CNOT6: variants seen among roughly 807,000 people sequenced by gnomAD.
The protein encoded by CNOT6 is carbon catabolite repression 4 protein.
Under a neutral mutation model 61.2 loss-of-function variants are expected in CNOT6, and 12 were observed. The ratio of observed to expected loss-of-function variants is 0.20; its 90% CI spans 0.13 to 0.32. The LOEUF (loss-of-function observed/expected upper bound fraction) is 0.32. Ranked by LOEUF, CNOT6 falls within the 10% of genes least tolerant of loss-of-function variation. CNOT6 has a pLI of 1.00. For missense variants in CNOT6, 405 were observed against 663.9 expected, an observed-to-expected ratio of 0.61 and a Z score of 4.28; for synonymous variants, 225 against 240.6, an observed-to-expected ratio of 0.94 and a Z score of 0.60.
At chr5:180,559,306 C>G (rs747182778) in intron 4 of CNOT6, among the ~76,000 whole-genome samples, 15 of 152,318 alleles carry the variant, frequency 9.8e-5, no homozygotes, top group Middle Eastern at 6.8e-3. Context: ...TGGAAGCACA[C>G]TTAGAATTGC....
chr5:180,518,294 C>T (rs983720742), intron 1 of CNOT6, among the ~76,000 whole-genome samples: 6 of 152,100 alleles, frequency 3.9e-5, no homozygotes, highest in Non-Finnish European at 7.3e-5. Context: ...GAAAGATGTC[C>T]CAGGCTCATT....
At chr5:180,496,978 A>G (rs1756638509) in intron 1 of CNOT6, among the ~76,000 whole-genome samples, 1 of 152,330 alleles carries the variant, frequency 6.6e-6, no homozygotes, top group South Asian at 2.1e-4. Flanking sequence ...CTTGGTCCTA[A>G]CTACAAATGT....
chr5:180,545,083 G>A (rs1237448724), intron 2 of CNOT6, among the ~76,000 whole-genome samples: 1 of 152,164 alleles, frequency 6.6e-6, no homozygotes, highest in East Asian at 1.9e-4. Flanking sequence ...ATAGCTTGTG[G>A]TATGGTGTCT....
intron 4 of CNOT6, among the ~76,000 whole-genome samples, chr5:180,554,063 G>A (rs1759751130): frequency 6.6e-6 from 1 of 152,164 alleles, no homozygotes; most frequent in Non-Finnish European, 1.5e-5. Flanking sequence ...CCTTGGGTAG[G>A]TGTGTCTAGC....
chr5:180,562,164 C>T (rs570050312), intron 4 of CNOT6, among the ~76,000 whole-genome samples: 3 of 152,238 alleles, frequency 2.0e-5, no homozygotes, highest in South Asian at 4.1e-4. Flanking sequence ...ATCCCTGTGC[C>T]GTTCGTCAGG....
chr5:180,565,120 A>G (rs1247206861), intron 6 of CNOT6, among the ~76,000 whole-genome samples: 1 of 152,220 alleles, frequency 6.6e-6, no homozygotes, highest in Non-Finnish European at 1.5e-5. Context: ...CTTCACCTGA[A>G]ATGTCAGTAG....
intron 1 of CNOT6, among the ~76,000 whole-genome samples, chr5:180,514,482 G>A (rs1042194175): frequency 6.6e-6 from 1 of 152,182 alleles, no homozygotes; most frequent in African/African-American, 2.4e-5. Flanking sequence ...TTAGGACTTG[G>A]CTTTAGGAAG....
At chr5:180,525,930 A>T (rs1247783417) in intron 1 of CNOT6, among the ~76,000 whole-genome samples, 1 of 152,042 alleles carries the variant, frequency 6.6e-6, no homozygotes, top group Admixed American at 6.6e-5. Context: ...TTAAAAAAAA[A>T]TTAAAAACAA....
At chr5:180,542,778 T>G (rs763427602) in intron 2 of CNOT6, among the ~76,000 whole-genome samples, 1 of 152,158 alleles carries the variant, frequency 6.6e-6, no homozygotes, top group Non-Finnish European at 1.5e-5. Flanking sequence ...TTAACATAGG[T>G]CAGGATAATC....
In CNOT6 at chr5:180,567,111, C is replaced by T. The variant is rs1760505267; in HGVS notation, c.741C>T (p.Tyr247=). The T allele has an allele frequency of 1.2e-6, 2 of 1,612,726 alleles. No individual in the cohort carries two copies. The highest frequency in any genetic ancestry group is 1.7e-6 in the Non-Finnish European group (2 of 1,179,658). Residue 247 remains tyrosine (Y), a synonymous_variant, in exon 8 of 12, where the codon TAC becomes TAT. Transcript: ENST00000261951. ...AGGAGGTTGAAACGGAACAGTATTA[C>T]AGTTTTTTTCTGGTAGAGCTGAAAG... ...SLQEVETEQY[Y]SFFLVELKER... is the part of the protein sequence containing the mutation.
At chr5:180,526,461 G>C (rs1330775718) in intron 1 of CNOT6, among the ~76,000 whole-genome samples, 1 of 152,166 alleles carries the variant, frequency 6.6e-6, no homozygotes, top group Non-Finnish European at 1.5e-5. Flanking sequence ...GTGGGAGTTC[G>C]TAGAAAGGGC....
chr5:180,564,576 C>G lies in CNOT6; in HGVS notation c.473C>G (p.Ser158Ter). Residue 158 changes from serine to a stop codon, truncating the protein, a stop_gained, in exon 5 of 12, where the codon TCA (serine) becomes TGA (stop). Transcript: ENST00000261951. LOFTEE classifies it high-confidence loss of function. ...CTGAACTATTTGCTTGATAATTTGT[C>G]AGGTACTGCAAAAAGAAGTAAGTGG... ...RLLNYLLDNLSGTAKRITTEQ... is the reference protein window; with the variant it reads ...RLLNYLLDNL 1 of 1,613,580 alleles carries G rather than the reference C, an allele frequency of 6.2e-7. No individual in the cohort carries two copies. The highest frequency in any genetic ancestry group is 8.5e-7 in the Non-Finnish European group (1 of 1,179,572).
At chr5:180,553,741 G>A (rs1759732882) in intron 4 of CNOT6, among the ~76,000 whole-genome samples, 1 of 151,934 alleles carries the variant, frequency 6.6e-6, no homozygotes, top group Non-Finnish European at 1.5e-5. Context: ...ACATCCCTGA[G>A]GCTATGCTTT....
intron 2 of CNOT6, among the ~76,000 whole-genome samples, chr5:180,530,022 T>C (rs981024524): frequency 6.6e-6 from 1 of 152,230 alleles, no homozygotes; most frequent in Non-Finnish European, 1.5e-5. Context: ...GCACACAGTC[T>C]CTTTTTAAAT....
intron 2 of CNOT6, among the ~76,000 whole-genome samples, chr5:180,549,573 CG>C (rs2127743226): frequency 6.6e-6 from 1 of 151,944 alleles, no homozygotes; most frequent in Admixed American, 6.6e-5. Flanking sequence ...GGCATGAACC[CG>C]GGAGGCGGAG....
chr5:180,569,269 C>T lies in CNOT6; in HGVS notation c.1187C>T (p.Ser396Phe). ...GATAAAGCCTCTCGCAACCTCAAAT[C>T]CAGTGTTTTGGGAGAATTTGGAACT... ...IIDKASRNLK[S>F]SVLGEFGTIP... is the part of the protein sequence containing the mutation. Residue 396 changes from serine to phenylalanine, a missense_variant, in exon 10 of 12, where the codon TCC becomes TTC. Coordinates refer to ENST00000261951, the MANE Select transcript of CNOT6 (RefSeq NM_001370472.1). The T allele has an allele frequency of 2.5e-6, 4 of 1,614,136 alleles. No homozygotes were observed. Among genetic ancestry groups the T allele is most frequent in the Non-Finnish European group, 2.5e-6 (3 of 1,180,000 alleles).
intron 1 of CNOT6, among the ~76,000 whole-genome samples, chr5:180,523,270 A>G (rs1757953870): frequency 6.6e-6 from 1 of 152,026 alleles, no homozygotes; most frequent in Non-Finnish European, 1.5e-5. Context: ...TTCCCCTTAG[A>G]TGTTCATTTT....
At chr5:180,516,182 ATTTT>A (rs11309577) in intron 1 of CNOT6, among the ~76,000 whole-genome samples, 4 of 137,952 alleles carry the variant, frequency 2.9e-5, no homozygotes, top group Non-Finnish European at 4.7e-5. Context: ...AAAATTCAGG[ATTTT>A]TTTTTTTTTT....
At chr5:180,541,112 TTTCTTTC>T (rs768266478) in intron 2 of CNOT6, among the ~76,000 whole-genome samples, 70 of 152,108 alleles carry the variant, frequency 4.6e-4, no homozygotes, top group Admixed American at 7.9e-4. Context: ...GGTACTTTAT[TTTCTTTC>T]TTCTTTTTAA....
Sources: gnomAD v4.1 joint callset for allele counts (sites outside exome capture counted in the v4.1 genomes callset) on GRCh38, gnomAD v4.1.1 for gene constraint, MANE v1.5 for transcripts, NCBI Gene and HGNC (gene_info 2026-07-23, HGNC 2026-07-21) for gene names.